GPC6: variants seen among roughly 807,000 people sequenced by gnomAD.
The protein encoded by GPC6 is glypican 6.
GPC6 carries 14 observed loss-of-function variants against 55.2 expected under a neutral mutation model. The observed-to-expected ratio is 0.25, with a 90% confidence interval of 0.17 to 0.40. GPC6 has a LOEUF of 0.40. Ranked by LOEUF, GPC6 falls within the 10% of genes least tolerant of loss-of-function variation. GPC6 has a pLI of 1.00. For synonymous variants in GPC6, 278 were observed against 259.6 expected, an observed-to-expected ratio of 1.07 and a Z score of -0.68; for missense variants, 641 against 708.5, an observed-to-expected ratio of 0.90 and a Z score of 1.08.
At chr13:93,560,345 CAAAAAAA>C (rs35073008) in intron 2 of GPC6, among the ~76,000 whole-genome samples, 2 of 129,610 alleles carry the variant, frequency 1.5e-5, no homozygotes, top group East Asian at 2.4e-4. Flanking sequence ...GTATCTCTAC[CAAAAAAA>C]AAAAAAAAAA....
intron 1 of GPC6, among the ~76,000 whole-genome samples, chr13:93,381,034 A>G (rs760714089): frequency 5.9e-5 from 9 of 152,178 alleles, no homozygotes; most frequent in Non-Finnish European, 1.2e-4. Context: ...TAAATTCTTA[A>G]TCTGAAAGCA....
intron 1 of GPC6, among the ~76,000 whole-genome samples, chr13:93,484,980 T>G (rs1396076964): frequency 6.6e-6 from 1 of 152,170 alleles, no homozygotes; most frequent in Non-Finnish European, 1.5e-5. Context: ...ACACAAATTT[T>G]CTTATAGTTT....
chr13:94,327,700 G>A (rs1159302108), intron 6 of GPC6, among the ~76,000 whole-genome samples: 2 of 152,162 alleles, frequency 1.3e-5, no homozygotes, highest in African/African-American at 2.4e-5. Flanking sequence ...GTGGGTCGGA[G>A]TATTTTTGTG....
At chr13:93,643,883 C>A (rs1358339797) in intron 2 of GPC6, among the ~76,000 whole-genome samples, 1 of 152,066 alleles carries the variant, frequency 6.6e-6, no homozygotes, top group African/African-American at 2.4e-5. Flanking sequence ...AGCCATGATG[C>A]TTTCCCAGGC....
intron 3 of GPC6, among the ~76,000 whole-genome samples, chr13:93,922,788 C>A (rs1877643107): frequency 6.6e-6 from 1 of 152,176 alleles, no homozygotes; most frequent in Non-Finnish European, 1.5e-5. Context: ...TTCCAAAACT[C>A]CTCCTGTTTA....
At chr13:93,709,341 C>A (rs1882969075) in intron 2 of GPC6, among the ~76,000 whole-genome samples, 1 of 151,774 alleles carries the variant, frequency 6.6e-6, no homozygotes, top group African/African-American at 2.4e-5. Flanking sequence ...ATCTAAGTTA[C>A]AGACATTCCT....
chr13:93,490,460 C>CT (rs71123487), intron 1 of GPC6, among the ~76,000 whole-genome samples: 12,336 of 30,592 alleles, frequency 0.4, 2,937 homozygotes, highest in Non-Finnish European at 0.46. Context: ...ATTATTATTT[C>CT]TTTTTTTTTT....
intron 1 of GPC6, among the ~76,000 whole-genome samples, chr13:93,537,113 G>A (rs1217972195): frequency 2.6e-5 from 4 of 152,052 alleles, no homozygotes; most frequent in Admixed American, 6.6e-5. Flanking sequence ...CATCACCCGC[G>A]CCCCAAATAT....
intron 4 of GPC6, among the ~76,000 whole-genome samples, chr13:94,208,034 C>A: frequency 6.6e-6 from 1 of 152,120 alleles, no homozygotes; most frequent in East Asian, 1.9e-4. Context: ...TCTCTCCAAT[C>A]CATAGAGATT....
At position 94,139,279 on chromosome 13, in the gene GPC6, G is replaced by C. The variant is rs533916286; in HGVS notation, c.877+111385G>C. 1.0e-3 allele frequency among the ~76,000 whole-genome samples: 153 copies of C among 152,224 alleles called. 3 individuals are homozygous for C. The Middle Eastern group carries it at 0.037, about 37-fold the overall frequency. On this transcript the variant is annotated intron_variant, in intron 4 of 8. Transcript: ENST00000377047. ...AAAAGCCCTTACATACACTATGCATGTAACAAAATTATTCTTATACCCCAT... is the reference window on the plus strand; with the variant it reads ...AAAAGCCCTTACATACACTATGCATCTAACAAAATTATTCTTATACCCCAT...
chr13:93,942,444 T>C (rs1230493841), intron 3 of GPC6, among the ~76,000 whole-genome samples: 1 of 152,128 alleles, frequency 6.6e-6, no homozygotes, highest in Non-Finnish European at 1.5e-5. Flanking sequence ...CTCAGCCTCC[T>C]GAGGAGTTGG....
chr13:94,305,067 T>C (rs553196476), intron 5 of GPC6, among the ~76,000 whole-genome samples: 2 of 152,238 alleles, frequency 1.3e-5, no homozygotes, highest in Non-Finnish European at 2.9e-5. Flanking sequence ...AATTCAAGTA[T>C]GTAAAAGTGA....
chr13:93,217,437 G>T, the GPC6 span, among the ~76,000 whole-genome samples: 1 of 152,162 alleles, frequency 6.6e-6, no homozygotes, highest in African/African-American at 2.4e-5. Flanking sequence ...AGAGAATCAT[G>T]ATCACTATGT....
At chr13:93,481,282 G>A (rs933775870) in intron 1 of GPC6, among the ~76,000 whole-genome samples, 1 of 152,014 alleles carries the variant, frequency 6.6e-6, no homozygotes, top group Non-Finnish European at 1.5e-5. Context: ...TAAATGAGGT[G>A]ATTCATCTTT....
chr13:94,246,103 T>A (rs1891187903), intron 4 of GPC6, among the ~76,000 whole-genome samples: 1 of 152,140 alleles, frequency 6.6e-6, no homozygotes, highest in Non-Finnish European at 1.5e-5. Flanking sequence ...TTCATTTTCC[T>A]GATGATTAGG....
chr13:94,401,506 A>T (rs1723066275), intron 8 of GPC6, among the ~76,000 whole-genome samples: 1 of 152,100 alleles, frequency 6.6e-6, no homozygotes, highest in Admixed American at 6.5e-5. Context: ...CTGGGTCGAC[A>T]TACTCTGTGG....
chr13:93,883,395 A>C (rs1312890066), intron 3 of GPC6, among the ~76,000 whole-genome samples: 4 of 152,158 alleles, frequency 2.6e-5, no homozygotes, highest in Non-Finnish European at 5.9e-5. Flanking sequence ...TCCATATACC[A>C]GCAGTGTAGA....
intron 2 of GPC6, among the ~76,000 whole-genome samples, chr13:93,820,252 A>G (rs1886998476): frequency 6.6e-6 from 1 of 152,152 alleles, no homozygotes; most frequent in African/African-American, 2.4e-5. Flanking sequence ...GTCCTGAATA[A>G]TGCATTAAAA....
intron 4 of GPC6, among the ~76,000 whole-genome samples, chr13:94,237,498 C>T (rs1283574329): frequency 6.6e-6 from 1 of 152,070 alleles, no homozygotes; most frequent in African/African-American, 2.4e-5. Flanking sequence ...AGGTGGGTGG[C>T]AGCTTGGATT....
Sources: allele counts gnomAD v4.1 joint callset (sites outside exome capture counted in the v4.1 genomes callset), GRCh38; gene constraint gnomAD v4.1.1; transcripts MANE v1.5; gene names NCBI Gene and HGNC (gene_info 2026-07-23, HGNC 2026-07-21).